The following NKAIN2 variants were observed in gnomAD, a reference collection of about 807,000 sequenced individuals.
The protein encoded by NKAIN2 is sodium/potassium-transporting ATPase subunit beta-1-interacting protein 2.
A neutral mutation model predicts 32.6 loss-of-function variants in NKAIN2; 14 were observed. The ratio of observed to expected loss-of-function variants is 0.43; its 90% CI spans 0.28 to 0.67. The LOEUF is 0.67. Among genes scored for constraint, NKAIN2 ranks in the 30% least tolerant of loss-of-function variants. NKAIN2 has a pLI of 0.17. For synonymous variants in NKAIN2, 80 were observed against 87.2 expected, an observed-to-expected ratio of 0.92 and a Z score of 0.46; for missense variants, 198 against 258.3, an observed-to-expected ratio of 0.77 and a Z score of 1.60.
intron 1 of NKAIN2, among the ~76,000 whole-genome samples, chr6:123,894,668 G>A (rs190152684): frequency 2.8e-4 from 42 of 152,192 alleles, no homozygotes; most frequent in Middle Eastern, 3.4e-3. Context: ...CTTTCCAGGA[G>A]ATGAAACCGA....
intron 2 of NKAIN2, among the ~76,000 whole-genome samples, chr6:124,321,529 G>A (rs1797192666): frequency 6.6e-6 from 1 of 152,096 alleles, no homozygotes; most frequent in Non-Finnish European, 1.5e-5. Flanking sequence ...AAGGTAAGTG[G>A]CTAATGGAAG....
At chr6:124,148,531 A>G (rs1787541070) in intron 1 of NKAIN2, among the ~76,000 whole-genome samples, 1 of 151,514 alleles carries the variant, frequency 6.6e-6, no homozygotes, top group Admixed American at 6.6e-5. Flanking sequence ...TTTTTTGACT[A>G]TTTTTTCTTC....
intron 1 of NKAIN2, among the ~76,000 whole-genome samples, chr6:124,100,470 G>A (rs1020711650): frequency 6.6e-6 from 1 of 152,164 alleles, no homozygotes; most frequent in Non-Finnish European, 1.5e-5. Flanking sequence ...AAGGAGCCAA[G>A]AGACACATTT....
intron 1 of NKAIN2, among the ~76,000 whole-genome samples, chr6:124,004,548 GT>G (rs1253026513): frequency 6.6e-6 from 1 of 151,620 alleles, no homozygotes; most frequent in African/African-American, 2.4e-5. Flanking sequence ...AAAATTTTCA[GT>G]TTGCTGAGAA....
At chr6:124,438,862 A>G (rs1306762076) in intron 3 of NKAIN2, among the ~76,000 whole-genome samples, 5 of 152,072 alleles carry the variant, frequency 3.3e-5, no homozygotes, top group Non-Finnish European at 7.4e-5. Flanking sequence ...TCCTCTGTAA[A>G]TGTTTCTCCA....
intron 1 of NKAIN2, among the ~76,000 whole-genome samples, chr6:123,863,788 G>T (rs550214408): frequency 2.4e-4 from 36 of 152,080 alleles, no homozygotes; most frequent in Non-Finnish European, 3.7e-4. Context: ...TATAAATTTG[G>T]GTCTCCTCTT....
intron 3 of NKAIN2, among the ~76,000 whole-genome samples, chr6:124,371,640 A>G (rs1261013491): frequency 2.0e-5 from 3 of 147,074 alleles, no homozygotes; most frequent in East Asian, 4.0e-4. Flanking sequence ...GTTGCAGTGA[A>G]CCAAGATTGC....
chr6:123,864,000 A>T (rs374570728), intron 1 of NKAIN2, among the ~76,000 whole-genome samples: 82 of 152,342 alleles, frequency 5.4e-4, no homozygotes, highest in Admixed American at 1.2e-3. Flanking sequence ...AGATCAAAAT[A>T]ATCAAAGAAC....
At chr6:123,980,251 C>T (rs150820969) in intron 1 of NKAIN2, among the ~76,000 whole-genome samples, 4 of 152,208 alleles carry the variant, frequency 2.6e-5, no homozygotes, top group Admixed American at 1.3e-4. Flanking sequence ...CTAAGCATCT[C>T]CTGAAATAAA....
At chr6:124,701,050 T>C (rs1274514823) in intron 4 of NKAIN2, among the ~76,000 whole-genome samples, 1 of 151,638 alleles carries the variant, frequency 6.6e-6, no homozygotes, top group East Asian at 1.9e-4. Context: ...AAACTAAGCT[T>C]ATTATAAAAT....
intron 3 of NKAIN2, among the ~76,000 whole-genome samples, chr6:124,539,962 CT>C (rs1457239793): frequency 6.6e-6 from 1 of 152,142 alleles, no homozygotes; most frequent in Non-Finnish European, 1.5e-5. Flanking sequence ...CTCAGGCAAT[CT>C]GCCCACCTCG....
At chr6:124,435,460 C>A (rs927698407) in intron 3 of NKAIN2, among the ~76,000 whole-genome samples, 3 of 152,128 alleles carry the variant, frequency 2.0e-5, no homozygotes, top group African/African-American at 7.2e-5. Context: ...GTTCTAAATG[C>A]TGTATATGTA....
At chr6:124,410,900 A>T (rs1156285854) in intron 3 of NKAIN2, among the ~76,000 whole-genome samples, 1 of 152,128 alleles carries the variant, frequency 6.6e-6, no homozygotes, top group African/African-American at 2.4e-5. Flanking sequence ...TAGGATAGTT[A>T]GTTCTTGTTG....
intron 1 of NKAIN2, among the ~76,000 whole-genome samples, chr6:123,847,141 G>A (rs1562216192): frequency 6.6e-6 from 1 of 152,172 alleles, no homozygotes; most frequent in South Asian, 2.1e-4. Flanking sequence ...CCACAGTAGT[G>A]AACACGTGTA....
chr6:124,138,653 ATTAT>A, intron 1 of NKAIN2, among the ~76,000 whole-genome samples: 1 of 81,742 alleles, frequency 1.2e-5, no homozygotes, highest in South Asian at 3.7e-4. Context: ...ATTATTAATA[ATTAT>A]GTTATATTAT....
At chr6:124,343,002 C>G (rs2115091130) in intron 2 of NKAIN2, among the ~76,000 whole-genome samples, 1 of 120,922 alleles carries the variant, frequency 8.3e-6, no homozygotes. Flanking sequence ...CCACAACAGT[C>G]CCCAGAGTGT....
intron 3 of NKAIN2, among the ~76,000 whole-genome samples, chr6:124,394,496 T>G (rs933913016): frequency 3.3e-5 from 5 of 149,488 alleles, no homozygotes; most frequent in African/African-American, 1.2e-4. Context: ...GATAGATAGA[T>G]AGATAGATAG....
intron 3 of NKAIN2, among the ~76,000 whole-genome samples, chr6:124,599,408 A>T (rs893446972): frequency 6.6e-6 from 1 of 152,172 alleles, no homozygotes; most frequent in African/African-American, 2.4e-5. Context: ...AATTGGAGCA[A>T]GACATCTTAG....
intron 2 of NKAIN2, among the ~76,000 whole-genome samples, chr6:124,354,860 A>AAAC: frequency 6.6e-6 from 1 of 151,714 alleles, no homozygotes; most frequent in Non-Finnish European, 1.5e-5. Context: ...AAAAAAAAAA[A>AAAC]AACTCAACAG....
Sources: gnomAD v4.1 joint callset for allele counts (sites outside exome capture counted in the v4.1 genomes callset) on GRCh38, gnomAD v4.1.1 for gene constraint, MANE v1.5 for transcripts, NCBI Gene and HGNC (gene_info 2026-07-23, HGNC 2026-07-21) for gene names.